The following SPMIP2 variants were observed in gnomAD, a reference collection of about 807,000 sequenced individuals.
SPMIP2 encodes the protein sperm microtubule inner protein 2.
chr4:158,934,833 C>T, the SPMIP2 span, among the ~76,000 whole-genome samples: 2 of 152,102 alleles, frequency 1.3e-5, no homozygotes, highest in African/African-American at 4.8e-5. Context: ...GCTATCTCAC[C>T]ACCCCCAGCT....
the SPMIP2 span, among the ~76,000 whole-genome samples, chr4:159,032,011 C>T: frequency 6.6e-6 from 1 of 152,094 alleles, no homozygotes; most frequent in African/African-American, 2.4e-5. Flanking sequence ...CACCGGAGGT[C>T]AGGAGTTTGA....
At chr4:159,018,844 A>G in the SPMIP2 span, among the ~76,000 whole-genome samples, 11 of 152,190 alleles carry the variant, frequency 7.2e-5, no homozygotes, top group Non-Finnish European at 1.2e-4. Context: ...TAATCCCAGC[A>G]CTTTGGGAGG....
the SPMIP2 span, among the ~76,000 whole-genome samples, chr4:158,953,531 CCAGAGCCCCCA>C: frequency 6.6e-6 from 1 of 152,190 alleles, no homozygotes; most frequent in African/African-American, 2.4e-5. Flanking sequence ...AAATGTGGGG[CCAGAGCCCCCA>C]CAGAGTCCCT....
chr4:158,934,417 G>A, the SPMIP2 span, among the ~76,000 whole-genome samples: 6 of 152,112 alleles, frequency 3.9e-5, no homozygotes, highest in East Asian at 1.9e-4. Context: ...AGCCAAGATC[G>A]TGCCACTGCA....
chr4:158,912,654 TC>T, the SPMIP2 span, among the ~76,000 whole-genome samples: 1 of 152,346 alleles, frequency 6.6e-6, no homozygotes, highest in African/African-American at 2.4e-5. Flanking sequence ...GAACATTTGT[TC>T]CAATTTATTT....
the SPMIP2 span, chr4:158,904,559 C>A: frequency 6.2e-7 from 1 of 1,606,802 alleles, no homozygotes; most frequent in Non-Finnish European, 8.5e-7. Flanking sequence ...AAGCTCAGGA[C>A]AGTTCTTCCT....
the SPMIP2 span, among the ~76,000 whole-genome samples, chr4:158,984,899 T>G: frequency 2.2e-3 from 326 of 150,410 alleles, 2 homozygotes; most frequent in African/African-American, 7.4e-3. Context: ...GACTAATAAA[T>G]AAAAAAAGAG....
chr4:159,041,400 T>C, the SPMIP2 span, among the ~76,000 whole-genome samples: 1 of 152,238 alleles, frequency 6.6e-6, no homozygotes, highest in African/African-American at 2.4e-5. Flanking sequence ...GCCAGTGTTA[T>C]AGAAGCAATA....
At chr4:159,017,745 T>C in the SPMIP2 span, among the ~76,000 whole-genome samples, 17 of 152,254 alleles carry the variant, frequency 1.1e-4, no homozygotes, top group Middle Eastern at 6.8e-3. Flanking sequence ...CCTAAGTGGA[T>C]AGGCCACCAA....
At chr4:158,970,208 G>C in the SPMIP2 span, among the ~76,000 whole-genome samples, 2 of 152,014 alleles carry the variant, frequency 1.3e-5, no homozygotes, top group South Asian at 2.1e-4. Context: ...TGAAGCACAG[G>C]GTTGATAAGG....
the SPMIP2 span, among the ~76,000 whole-genome samples, chr4:158,968,548 T>C: frequency 8.5e-5 from 13 of 152,332 alleles, no homozygotes; most frequent in East Asian, 2.3e-3. Context: ...GATCTCATTG[T>C]CTATCATTGC....
the SPMIP2 span, among the ~76,000 whole-genome samples, chr4:158,990,112 A>C: frequency 6.6e-6 from 1 of 152,218 alleles, no homozygotes; most frequent in Non-Finnish European, 1.5e-5. Flanking sequence ...TGCAACCAAT[A>C]AACATATGAA....
the SPMIP2 span, among the ~76,000 whole-genome samples, chr4:158,996,057 C>T: frequency 6.6e-6 from 1 of 152,080 alleles, no homozygotes; most frequent in Non-Finnish European, 1.5e-5. Flanking sequence ...CACGACGTCT[C>T]GTTTGCTTTG....
the SPMIP2 span, among the ~76,000 whole-genome samples, chr4:158,910,617 A>G: frequency 2.6e-5 from 4 of 152,348 alleles, no homozygotes; most frequent in Non-Finnish European, 4.4e-5. Flanking sequence ...TATTTAAGTC[A>G]GTGGACCCTG....
the SPMIP2 span, among the ~76,000 whole-genome samples, chr4:159,062,068 C>T: frequency 2.5e-4 from 38 of 152,262 alleles, no homozygotes; most frequent in Middle Eastern, 3.4e-3. Flanking sequence ...ACGTGTGTGT[C>T]GGGAGCTAGA....
the SPMIP2 span, among the ~76,000 whole-genome samples, chr4:158,954,109 G>C: frequency 6.6e-6 from 1 of 152,180 alleles, no homozygotes; most frequent in African/African-American, 2.4e-5. Context: ...GAGATTTGGA[G>C]GGGCCAGGGG....
At chr4:158,952,975 G>A in the SPMIP2 span, among the ~76,000 whole-genome samples, 4 of 152,132 alleles carry the variant, frequency 2.6e-5, no homozygotes, top group Admixed American at 6.5e-5. Context: ...GCTGCTAAAG[G>A]TATTCAGTTT....
At chr4:159,057,501 C>T in the SPMIP2 span, among the ~76,000 whole-genome samples, 1 of 152,140 alleles carries the variant, frequency 6.6e-6, no homozygotes, top group Non-Finnish European at 1.5e-5. Context: ...CTAGAGCACT[C>T]ATGCATGGCT....
chr4:158,964,879 G>A, the SPMIP2 span, among the ~76,000 whole-genome samples: 8 of 152,118 alleles, frequency 5.3e-5, no homozygotes, highest in East Asian at 1.9e-4. Context: ...CAGATCTCAC[G>A]AGAACTCACC....
Sources: allele counts gnomAD v4.1 joint callset (sites outside exome capture counted in the v4.1 genomes callset), GRCh38; gene constraint gnomAD v4.1.1; transcripts MANE v1.5; gene names NCBI Gene and HGNC (gene_info 2026-07-23, HGNC 2026-07-21).